CDH20: variants seen among roughly 807,000 people sequenced by gnomAD.
CDH20 encodes the protein cadherin 20, also known as cadherin-20.
A neutral mutation model predicts 74.2 loss-of-function variants in CDH20; 29 were observed. The ratio of observed to expected loss-of-function variants is 0.39; its 90% confidence interval spans 0.29 to 0.53. CDH20 has a LOEUF of 0.53. CDH20 is among the 20% of genes least tolerant of loss of function. CDH20 has a pLI of 0.69. For synonymous variants in CDH20, 469 were observed against 405.4 expected (o/e 1.16, Z -1.88); for missense variants, 988 against 1,048.3 (o/e 0.94, Z 0.79).
chr18:61,443,815 T>G (rs1374440639), intron 1 of CDH20, among the ~76,000 whole-genome samples: 1 of 152,082 alleles, frequency 6.6e-6, no homozygotes, highest in African/African-American at 2.4e-5. Context: ...CTCCCCATGG[T>G]GCTCTATTAG....
intron 1 of CDH20, among the ~76,000 whole-genome samples, chr18:61,366,100 TTATC>T (rs1367521048): frequency 6.6e-6 from 1 of 152,186 alleles, no homozygotes; most frequent in Non-Finnish European, 1.5e-5. Flanking sequence ...TGTGAGATCT[TTATC>T]AATTAATCTG....
At chr18:61,552,840 T>C (rs1474777397) in intron 11 of CDH20, among the ~76,000 whole-genome samples, 1 of 152,160 alleles carries the variant, frequency 6.6e-6, no homozygotes, top group Non-Finnish European at 1.5e-5. Context: ...TCACTTCGAA[T>C]CTCACGTCTC....
intron 1 of CDH20, among the ~76,000 whole-genome samples, chr18:61,467,418 G>A (rs1172868691): frequency 1.3e-5 from 2 of 152,080 alleles, no homozygotes; most frequent in Non-Finnish European, 2.9e-5. Flanking sequence ...TGACAAGCCA[G>A]TTACAATTTT....
At chr18:61,476,680 C>A (rs926942731) in intron 1 of CDH20, among the ~76,000 whole-genome samples, 43 of 152,186 alleles carry the variant, frequency 2.8e-4, no homozygotes, top group African/African-American at 9.9e-4. Context: ...ACCTTGATAC[C>A]AAAACTAGGC....
At position 61,550,192 on chromosome 18, in the gene CDH20, C is replaced by T. The variant is rs1197906900; in HGVS notation, c.1863C>T (p.Ala621=). Residue 621 remains alanine (A), a synonymous_variant, in exon 11 of 12, where the codon GCC becomes GCT. Coordinates refer to ENST00000262717, the MANE Select transcript of CDH20 (RefSeq NM_031891.4). Reference sequence around the variant, plus strand: ...TCCCAGTCAGTTTGAGCCGGGGCGCCCTCATTGCCATCCTCGCCTGCATCT... The same window carrying T: ...TCCCAGTCAGTTTGAGCCGGGGCGCTCTCATTGCCATCCTCGCCTGCATCT... The part of the protein sequence containing the change: ...YMLPVSLSRG[A]LIAILACIFV... 6.2e-7 allele frequency: 1 copy of T among 1,614,000 alleles called. No homozygotes were observed. Among genetic ancestry groups the T allele is most frequent in the Admixed American group, 1.7e-5 (1 of 60,022 alleles).
At chr18:61,490,082 CAA>C (rs1258664112) in intron 1 of CDH20, among the ~76,000 whole-genome samples, 3 of 152,076 alleles carry the variant, frequency 2.0e-5, no homozygotes, top group Non-Finnish European at 4.4e-5. Flanking sequence ...ATAAATATTT[CAA>C]AGAGCACACT....
intron 1 of CDH20, among the ~76,000 whole-genome samples, chr18:61,419,536 A>G (rs2144269872): frequency 6.6e-6 from 1 of 152,354 alleles, no homozygotes. Flanking sequence ...TATACCCACT[A>G]GCAGATTACA....
chr18:61,488,633 A>T (rs925598360), intron 1 of CDH20, among the ~76,000 whole-genome samples: 1 of 152,228 alleles, frequency 6.6e-6, no homozygotes, highest in Non-Finnish European at 1.5e-5. Flanking sequence ...ACTTTGAGGA[A>T]TTATAGATAC....
At chr18:61,503,780 A>T (rs1911469176) in intron 5 of CDH20, among the ~76,000 whole-genome samples, 1 of 152,234 alleles carries the variant, frequency 6.6e-6, no homozygotes, top group Non-Finnish European at 1.5e-5. Context: ...ACAGTGCAAG[A>T]TGATGCCTTC....
chr18:61,380,401 G>T (rs1268561950), intron 1 of CDH20, among the ~76,000 whole-genome samples: 2 of 152,166 alleles, frequency 1.3e-5, no homozygotes, highest in East Asian at 3.9e-4. Flanking sequence ...AAAGAGTGAA[G>T]TATATGAAAA....
At chr18:61,465,901 A>AG (rs909284416) in intron 1 of CDH20, among the ~76,000 whole-genome samples, 3 of 151,920 alleles carry the variant, frequency 2.0e-5, no homozygotes, top group African/African-American at 7.3e-5. Flanking sequence ...CTAAAAAAAA[A>AG]ATTTACAAAT....
chr18:61,514,966 C>T (rs566499971), intron 6 of CDH20, among the ~76,000 whole-genome samples: 2,288 of 151,794 alleles, frequency 0.015, 64 homozygotes, highest in African/African-American at 0.052. Flanking sequence ...TGTCTGTGCC[C>T]TGCCCCCAGA....
intron 1 of CDH20, among the ~76,000 whole-genome samples, chr18:61,480,950 A>G (rs1910567937): frequency 6.6e-6 from 1 of 152,256 alleles, no homozygotes; most frequent in Non-Finnish European, 1.5e-5. Context: ...ATGTTCACTA[A>G]TTGTTGCAGG....
At chr18:61,421,981 A>C (rs1912897299) in intron 1 of CDH20, among the ~76,000 whole-genome samples, 1 of 152,176 alleles carries the variant, frequency 6.6e-6, no homozygotes, top group Non-Finnish European at 1.5e-5. Context: ...CTAATTTTTC[A>C]AGCAACTTTT....
intron 6 of CDH20, 92 bp downstream of exon 6, chr18:61,507,652 G>T: frequency 2.5e-6 from 2 of 812,746 alleles, no homozygotes; most frequent in East Asian, 2.9e-5. Context: ...GATATGCATT[G>T]CTTCAAATCA....
chr18:61,456,286 C>A (rs902640366), intron 1 of CDH20, among the ~76,000 whole-genome samples: 1 of 152,128 alleles, frequency 6.6e-6, no homozygotes, highest in Non-Finnish European at 1.5e-5. Context: ...CGTGACCTGG[C>A]CTGGATATTC....
chr18:61,428,462 A>G (rs1913146464), intron 1 of CDH20, among the ~76,000 whole-genome samples: 1 of 152,188 alleles, frequency 6.6e-6, no homozygotes, highest in Non-Finnish European at 1.5e-5. Context: ...GCAGTGCAAA[A>G]GCGGTAGCAC....
intron 1 of CDH20, among the ~76,000 whole-genome samples, chr18:61,381,294 T>C (rs1251373379): frequency 6.6e-6 from 1 of 152,204 alleles, no homozygotes; most frequent in African/African-American, 2.4e-5. Context: ...TTTAAAGGTA[T>C]GTACTGTGAA....
At position 61,353,737 on chromosome 18, in the gene CDH20, C is replaced by T. The variant is rs2144118050; in HGVS notation, c.-153+19910C>T. ...CACTAGCCAATACAGCAGCTACTAA[C>T]TACACAAGGACGTTCAGCTTTAAAC... On this transcript the variant is annotated intron_variant, in intron 1 of 11. Transcript: ENST00000262717. This position sits in a 1 kb window ranked among gnomAD's most constrained non-coding sequence, Gnocchi z 4.6. Among the ~76,000 whole-genome samples the T allele has an allele frequency of 6.6e-6, 1 of 152,250 alleles. No homozygotes were observed. The highest frequency in any genetic ancestry group is 2.4e-5 in the African/African-American group (1 of 41,538).
Sources: gnomAD v4.1 joint callset for allele counts (sites outside exome capture counted in the v4.1 genomes callset) on GRCh38, gnomAD v4.1.1 for gene constraint, Gnocchi (gnomAD v3.1) non-coding constraint, MANE v1.5 for transcripts, NCBI Gene and HGNC (gene_info 2026-07-23, HGNC 2026-07-21) for gene names.